Variants in B3GLCT observed in about 807,000 individuals in gnomAD.
B3GLCT encodes the protein beta-1,3-glucosyltransferase.
In B3GLCT, 65 loss-of-function variants were observed where a neutral mutation model predicts 63.4. That is an observed-to-expected ratio of 1.03 (90% CI 0.84 to 1.26). The LOEUF (loss-of-function observed/expected upper bound fraction) is 1.26, where lower values mean the gene tolerates loss of function less well. Among genes scored for constraint, B3GLCT ranks in the 50% most tolerant of loss-of-function variants. The pLI, the probability that B3GLCT is intolerant of heterozygous loss-of-function variation, is 0.00. For missense variants in B3GLCT, 577 were observed against 604.8 expected, an observed-to-expected ratio of 0.95 and a Z score of 0.48; for synonymous variants, 233 against 219.2, an observed-to-expected ratio of 1.06 and a Z score of -0.55.
At chr13:31,208,628 C>CCG (rs1555243824) in intron 1 of B3GLCT, among the ~76,000 whole-genome samples, 1 of 123,464 alleles carries the variant, frequency 8.1e-6, no homozygotes, top group South Asian at 3.3e-4. Flanking sequence ...GGCCCCCCCC[C>CCG]CCCGCTCACT....
At chr13:31,311,970 T>A (rs183300542) in intron 12 of B3GLCT, among the ~76,000 whole-genome samples, 12 of 152,118 alleles carry the variant, frequency 7.9e-5, no homozygotes, top group Admixed American at 6.5e-4. Flanking sequence ...GGAAAAAGGG[T>A]TAATGAACCA....
chr13:31,232,446 C>A (rs1020223048), intron 4 of B3GLCT, among the ~76,000 whole-genome samples: 2 of 151,990 alleles, frequency 1.3e-5, no homozygotes, highest in Non-Finnish European at 2.9e-5. Flanking sequence ...GTGCTACACA[C>A]TTTTAAGCAA....
At chr13:31,200,740 G>C (rs1024521532) in intron 1 of B3GLCT, among the ~76,000 whole-genome samples, 2 of 152,048 alleles carry the variant, frequency 1.3e-5, no homozygotes, top group Non-Finnish European at 2.9e-5. Flanking sequence ...ACGTGCCCTG[G>C]CCCCTGAGGA....
chr13:31,264,077 G>A (rs1872175413), intron 7 of B3GLCT, among the ~76,000 whole-genome samples: 1 of 152,108 alleles, frequency 6.6e-6, no homozygotes, highest in Admixed American at 6.5e-5. Flanking sequence ...TCTGGGAGAA[G>A]GGACGAGGGG....
chr13:31,279,343 C>A (rs529137050), intron 10 of B3GLCT, among the ~76,000 whole-genome samples: 2 of 152,048 alleles, frequency 1.3e-5, no homozygotes, highest in African/African-American at 4.8e-5. Context: ...GAAACCAGCC[C>A]CCAATATTCA....
chr13:31,322,559 C>T (rs1409716088), intron 13 of B3GLCT, among the ~76,000 whole-genome samples: 1 of 152,068 alleles, frequency 6.6e-6, no homozygotes, highest in East Asian at 1.9e-4. Flanking sequence ...TTGGAAAGAA[C>T]TCATCAGCAT....
intron 1 of B3GLCT, among the ~76,000 whole-genome samples, chr13:31,214,695 C>G (rs1321758761): frequency 6.6e-6 from 1 of 152,176 alleles, no homozygotes. Context: ...CTCAGGAATT[C>G]CCCTTTGCTT....
At chr13:31,200,614 G>T (rs1161362608) in intron 1 of B3GLCT, among the ~76,000 whole-genome samples, 2 of 151,658 alleles carry the variant, frequency 1.3e-5, no homozygotes, top group Non-Finnish European at 2.9e-5. Flanking sequence ...CGCGCCGGGC[G>T]GGAGGCTGGA....
At chr13:31,302,459 AGT>A (rs1233177741) in intron 12 of B3GLCT, among the ~76,000 whole-genome samples, 1 of 142,354 alleles carries the variant, frequency 7.0e-6, no homozygotes, top group African/African-American at 2.6e-5. Flanking sequence ...GGCGCAGGCC[AGT>A]GTGTGTGCGC....
chr13:31,331,544 G>T lies in B3GLCT; in HGVS notation c.*1876G>T, dbSNP rs1016414311. 4.1e-5 allele frequency: 6 copies of T among 147,606 alleles called. 1 individual carries two copies. The highest frequency in any genetic ancestry group is 2.8e-4 in the Admixed American group (4 of 14,456). 9.1% of individuals were successfully genotyped at this position (147,606 alleles called of 1,614,324 possible). A position where few individuals can be genotyped will look rare whatever the true frequency, so the allele number is the denominator to read the frequency against. On this transcript the variant is annotated 3_prime_UTR_variant, in exon 15 of 15. Coordinates refer to ENST00000343307, the MANE Select transcript of B3GLCT (RefSeq NM_194318.4). ...CTAAGTTTTTGATTTCTCAAATATT[G>T]TGTTCATTAGTCTAGACTGGGAATG...
rs747849581 is a variant in B3GLCT at position 31,317,578 on chromosome 13, C to T, written c.1077C>T (p.Leu359=). The change falls in exon 13 of 15, where the codon CTC becomes CTT. Residue 359 remains leucine, a synonymous_variant. Transcript: ENST00000343307. ...TTTGGCATCTCAGTATCTCCAGGCTCCAGCACTTGCTTAGCTGTTATGACT... is the reference window on the plus strand; with the variant it reads ...TTTGGCATCTCAGTATCTCCAGGCTTCAGCACTTGCTTAGCTGTTATGACT... ...DDDTLISISR[L]QHLLSCYDSG... The T allele has an allele frequency of 1.9e-6, 3 of 1,614,046 alleles. No homozygotes were observed. Among genetic ancestry groups the T allele is most frequent in the South Asian group, 1.1e-5 (1 of 91,078 alleles).
chr13:31,270,322 CA>C (rs2137848518), intron 8 of B3GLCT, among the ~76,000 whole-genome samples: 1 of 152,252 alleles, frequency 6.6e-6, no homozygotes, highest in East Asian at 1.9e-4. Flanking sequence ...AAGGCACACA[CA>C]AGACTTTCTG....
chr13:31,216,237 G>A (rs9529228), intron 2 of B3GLCT, among the ~76,000 whole-genome samples: 146,204 of 152,296 alleles, frequency 0.96, 70,310 homozygotes, highest in East Asian at 1. Context: ...TACGATTTTA[G>A]GACCTTTTAT....
At chr13:31,325,569 A>G (rs189462204) in intron 14 of B3GLCT, among the ~76,000 whole-genome samples, 244 of 152,330 alleles carry the variant, frequency 1.6e-3, no homozygotes, top group Non-Finnish European at 3.0e-3. Context: ...TTTAAAAATA[A>G]GGTTGTTGTT....
At chr13:31,273,239 C>T (rs570249507) in intron 8 of B3GLCT, among the ~76,000 whole-genome samples, 32 of 152,106 alleles carry the variant, frequency 2.1e-4, no homozygotes, top group Non-Finnish European at 2.8e-4. Flanking sequence ...GGACTACAGG[C>T]GCGTGCCACC....
chr13:31,310,437 A>G (rs1044162029), intron 12 of B3GLCT, among the ~76,000 whole-genome samples: 1 of 152,188 alleles, frequency 6.6e-6, no homozygotes, highest in Non-Finnish European at 1.5e-5. Context: ...TGGCTGGCTC[A>G]CTGAGCTGAG....
intron 14 of B3GLCT, among the ~76,000 whole-genome samples, chr13:31,327,119 C>T (rs953996266): frequency 2.0e-5 from 3 of 152,118 alleles, no homozygotes; most frequent in South Asian, 2.1e-4. Context: ...CTGAACCCTA[C>T]GTATACTATG....
chr13:31,212,096 G>C (rs1174266798), intron 1 of B3GLCT, among the ~76,000 whole-genome samples: 1 of 151,826 alleles, frequency 6.6e-6, no homozygotes, highest in Admixed American at 6.6e-5. Context: ...AATTCGGGAG[G>C]GGTAGATGGA....
intron 1 of B3GLCT, 21 bp downstream of exon 1, chr13:31,200,175 C>T: frequency 1.6e-6 from 2 of 1,280,754 alleles, no homozygotes; most frequent in Non-Finnish European, 2.0e-6. Flanking sequence ...GGCGGCCAGG[C>T]GCGCAAGGGC....
Sources: allele counts gnomAD v4.1 joint callset (sites outside exome capture counted in the v4.1 genomes callset), GRCh38; gene constraint gnomAD v4.1.1; transcripts MANE v1.5; gene names NCBI Gene and HGNC (gene_info 2026-07-23, HGNC 2026-07-21).